The following IRAG1 variants were observed in gnomAD, a reference collection of about 807,000 sequenced individuals.
The protein encoded by IRAG1 is inositol 1,4,5-triphosphate receptor associated 1, also known as IP3R-associated cGMP kinase substrate.
Under a neutral mutation model 106.2 loss-of-function variants are expected in IRAG1, and 62 were observed. That is an observed-to-expected ratio of 0.58 (90% CI 0.48 to 0.72). The LOEUF is 0.72. Among genes scored for constraint, IRAG1 ranks in the 30% least tolerant of loss-of-function variants. The probability of loss-of-function intolerance (pLI) is 0.00; values close to 1 mark genes in which losing one functional copy is unlikely to be tolerated. For synonymous variants in IRAG1, 462 were observed against 443.9 expected, an observed-to-expected ratio of 1.04 and a Z score of -0.51; for missense variants, 1,064 against 1,140.7, an observed-to-expected ratio of 0.93 and a Z score of 0.97.
At chr11:10,584,549 AT>A (rs1422980147) in intron 18 of IRAG1, among the ~76,000 whole-genome samples, 23 of 2,726 alleles carry the variant, frequency 8.4e-3, no homozygotes, top group Non-Finnish European at 0.015. Flanking sequence ...CTTTCATGAA[AT>A]ATATATATAT....
In IRAG1 at chr11:10,626,183, A is replaced by G; in HGVS notation, c.1151T>C (p.Val384Ala). The G allele has an allele frequency of 6.4e-7, 1 of 1,558,922 alleles. No homozygotes were observed. Among genetic ancestry groups the G allele is most frequent in the East Asian group, 2.3e-5 (1 of 44,268 alleles). The change falls in exon 9 of 21, where the codon GTG becomes GCG. Residue 384 changes from valine to alanine, a missense_variant. Coordinates refer to ENST00000423302, the MANE Select transcript of IRAG1 (RefSeq NM_130385.4). ...CCCTCGCAGCAGCGGGGGCCGGGAC[A>G]CAGTGGGTGGAAGCTCAGCTTTGGA... The part of the protein sequence containing the change: ...AGSKAELPPT[V>A]SRPPLLRGLS...
At chr11:10,690,364 C>A (rs1475609782) in intron 1 of IRAG1, 3 of 1,276,734 alleles carry the variant, frequency 2.3e-6, no homozygotes, top group African/African-American at 1.6e-5. Flanking sequence ...CAGTGCGAGA[C>A]CCTGTCTAAA....
intron 1 of IRAG1, among the ~76,000 whole-genome samples, chr11:10,676,894 G>A (rs773532273): frequency 1.3e-5 from 2 of 152,190 alleles, no homozygotes; most frequent in Non-Finnish European, 1.5e-5. Flanking sequence ...TGGGGCGAGC[G>A]GTGTTCCTTG....
At position 10,575,067 on chromosome 11, in the gene IRAG1, A is replaced by C. The variant is rs1850749345; in HGVS notation, c.*1265T>G. On this transcript the variant is annotated 3_prime_UTR_variant, in exon 21 of 21. Coordinates refer to ENST00000423302, the MANE Select transcript of IRAG1 (RefSeq NM_130385.4). Reference sequence around the variant, plus strand: ...AATGAAAGCAAACAATATCAATAACAAAACAAAAATGCAAAACAATGACAA... The same window carrying C: ...AATGAAAGCAAACAATATCAATAACCAAACAAAAATGCAAAACAATGACAA... 1 of 152,254 alleles carries C rather than the reference A, an allele frequency of 6.6e-6. No homozygotes were observed. Among genetic ancestry groups the C allele is most frequent in the South Asian group, 2.1e-4 (1 of 4,830 alleles). 9.4% of individuals were successfully genotyped at this position (152,254 alleles called of 1,614,324 possible). A position where few individuals can be genotyped will look rare whatever the true frequency, so the allele number is the denominator to read the frequency against.
chr11:10,618,480 A>C (rs1855597142), intron 10 of IRAG1, among the ~76,000 whole-genome samples: 1 of 152,230 alleles, frequency 6.6e-6, no homozygotes, highest in African/African-American at 2.4e-5. Context: ...ATGCTAAGCA[A>C]AACTGACATG....
intron 5 of IRAG1, among the ~76,000 whole-genome samples, 194 bp downstream of exon 5, chr11:10,629,344 C>T (rs1856514645): frequency 6.6e-6 from 1 of 152,146 alleles, no homozygotes; most frequent in South Asian, 2.1e-4. Context: ...CCCAGAGGGC[C>T]TAGGATCCTT....
At chr11:10,676,217 G>A (rs944427211) in intron 1 of IRAG1, among the ~76,000 whole-genome samples, 2 of 152,262 alleles carry the variant, frequency 1.3e-5, no homozygotes, top group African/African-American at 4.8e-5. Flanking sequence ...AGTGAGGAGG[G>A]AGAATGAGTT....
chr11:10,578,736 C>G (rs1319208045), intron 20 of IRAG1, among the ~76,000 whole-genome samples: 2 of 152,222 alleles, frequency 1.3e-5, no homozygotes, highest in Middle Eastern at 3.2e-3. Context: ...CTTACTTCCC[C>G]TGGGGTTTCA....
chr11:10,609,308 C>T (rs999893838), intron 11 of IRAG1, among the ~76,000 whole-genome samples: 3 of 152,012 alleles, frequency 2.0e-5, no homozygotes, highest in South Asian at 2.1e-4. Flanking sequence ...TTTGGGAGGC[C>T]GAGGTAGAAG....
At chr11:10,652,376 G>A (rs1858598936) in intron 1 of IRAG1, 194 bp from the exon 2 acceptor site, 2 of 1,408,010 alleles carry the variant, frequency 1.4e-6, no homozygotes, top group Admixed American at 3.0e-5. Context: ...AAAGTCAGAG[G>A]TGACCTTAGA....
At chr11:10,685,647 G>C (rs1861611735) in intron 1 of IRAG1, among the ~76,000 whole-genome samples, 2 of 151,536 alleles carry the variant, frequency 1.3e-5, no homozygotes, top group African/African-American at 4.9e-5. Flanking sequence ...CTTGAGCCAG[G>C]GAGGTCAAGC....
At chr11:10,643,047 C>T (rs909614412) in intron 2 of IRAG1, among the ~76,000 whole-genome samples, 3 of 151,904 alleles carry the variant, frequency 2.0e-5, no homozygotes, top group South Asian at 2.1e-4. Context: ...TGGTGGCGGG[C>T]ACCTGTAGTC....
intron 2 of IRAG1, among the ~76,000 whole-genome samples, chr11:10,642,794 TG>T (rs1035461168): frequency 2.0e-5 from 3 of 152,194 alleles, no homozygotes; most frequent in Admixed American, 2.0e-4. Flanking sequence ...TCTTGTAGCC[TG>T]GAGGGCAAAC....
At chr11:10,589,756 A>C (rs1396569459) in intron 18 of IRAG1, among the ~76,000 whole-genome samples, 1 of 152,098 alleles carries the variant, frequency 6.6e-6, no homozygotes, top group Non-Finnish European at 1.5e-5. Context: ...CACTCTGTCC[A>C]TATCTCTCCA....
chr11:10,664,087 C>A (rs1239667974), intron 1 of IRAG1, among the ~76,000 whole-genome samples: 1 of 152,154 alleles, frequency 6.6e-6, no homozygotes, highest in Non-Finnish European at 1.5e-5. Flanking sequence ...TGCTCTTGAT[C>A]ATTCTAGATC....
chr11:10,624,504 C>T (rs1354240325), intron 9 of IRAG1, among the ~76,000 whole-genome samples: 1 of 152,170 alleles, frequency 6.6e-6, no homozygotes, highest in African/African-American at 2.4e-5. Flanking sequence ...AGCCAATTAG[C>T]ACCAGACCAA....
intron 5 of IRAG1, 147 bp downstream of exon 5, chr11:10,629,391 G>T: frequency 1.3e-6 from 1 of 799,514 alleles, no homozygotes; most frequent in Non-Finnish European, 1.9e-6. Flanking sequence ...GGGAGCCCAG[G>T]ACAGAATCCT....
intron 2 of IRAG1, among the ~76,000 whole-genome samples, chr11:10,646,351 C>A (rs1857942355): frequency 6.6e-6 from 1 of 152,174 alleles, no homozygotes; most frequent in African/African-American, 2.4e-5. Context: ...TATCTACTAT[C>A]CTCCCTTCCT....
intron 2 of IRAG1, among the ~76,000 whole-genome samples, chr11:10,645,676 A>G (rs1336493722): frequency 1.3e-5 from 2 of 152,202 alleles, no homozygotes; most frequent in South Asian, 2.1e-4. Context: ...ATAGGGACTG[A>G]GCGCCTATTG....
Sources: gnomAD v4.1 joint callset for allele counts (sites outside exome capture counted in the v4.1 genomes callset) on GRCh38, gnomAD v4.1.1 for gene constraint, MANE v1.5 for transcripts, NCBI Gene and HGNC (gene_info 2026-07-23, HGNC 2026-07-21) for gene names.